The following GABRB2 variants were observed in gnomAD, a reference collection of about 807,000 sequenced individuals.
The protein encoded by GABRB2 is gamma-aminobutyric acid type A receptor subunit beta2.
Under a neutral mutation model 54.7 loss-of-function variants are expected in GABRB2, and 16 were observed. The ratio of observed to expected loss-of-function variants is 0.29; its 90% CI spans 0.20 to 0.44. GABRB2 has a LOEUF of 0.44. GABRB2 is among the 20% of genes least tolerant of loss of function. The pLI is 1.00. For synonymous variants in GABRB2, 244 were observed against 233.8 expected, an observed-to-expected ratio of 1.04 and a Z score of -0.40; for missense variants, 355 against 644.0, an observed-to-expected ratio of 0.55 and a Z score of 4.86.
chr5:161,351,608 A>C (rs1314942268), intron 5 of GABRB2, among the ~76,000 whole-genome samples: 1 of 152,116 alleles, frequency 6.6e-6, no homozygotes, highest in Admixed American at 6.6e-5. Flanking sequence ...AGAAGAAAAC[A>C]AAGCGGGAAA....
At chr5:161,377,148 G>A (rs1755331099) in intron 5 of GABRB2, among the ~76,000 whole-genome samples, 2 of 151,956 alleles carry the variant, frequency 1.3e-5, no homozygotes, top group African/African-American at 4.8e-5. Flanking sequence ...AATAAGTTTT[G>A]GTAAATGATC....
chr5:161,441,331 TC>T (rs1757459888), intron 4 of GABRB2, among the ~76,000 whole-genome samples: 1 of 152,036 alleles, frequency 6.6e-6, no homozygotes, highest in Non-Finnish European at 1.5e-5. Flanking sequence ...GACATACAAA[TC>T]ACAAACAGGA....
chr5:161,338,608 A>T (rs1754064687), intron 5 of GABRB2, among the ~76,000 whole-genome samples: 3 of 152,102 alleles, frequency 2.0e-5, no homozygotes, highest in Admixed American at 6.5e-5. Context: ...GCAACATAGT[A>T]AGACCTTGTC....
chr5:161,508,760 A>G (rs971343371), intron 3 of GABRB2, among the ~76,000 whole-genome samples: 2 of 151,982 alleles, frequency 1.3e-5, no homozygotes, highest in Non-Finnish European at 1.5e-5. Context: ...TTTGCCTGAC[A>G]CCAATTCAAA....
chr5:161,354,773 C>T (rs1754567261), intron 5 of GABRB2, among the ~76,000 whole-genome samples: 2 of 151,988 alleles, frequency 1.3e-5, no homozygotes, highest in Admixed American at 6.6e-5. Context: ...TGTGTTCCTG[C>T]CCACCTCTTT....
At chr5:161,350,306 C>T (rs917628375) in intron 5 of GABRB2, among the ~76,000 whole-genome samples, 1 of 151,888 alleles carries the variant, frequency 6.6e-6, no homozygotes, top group Admixed American at 6.6e-5. Flanking sequence ...AAAGGTGCCA[C>T]CAAAAATTTT....
chr5:161,425,201 G>C (rs1218499456), intron 4 of GABRB2, among the ~76,000 whole-genome samples: 1 of 152,036 alleles, frequency 6.6e-6, no homozygotes, highest in African/African-American at 2.4e-5. Context: ...GAACTTATTT[G>C]ATAAAACAGC....
chr5:161,414,456 T>C (rs868011824), intron 4 of GABRB2, among the ~76,000 whole-genome samples: 2 of 152,184 alleles, frequency 1.3e-5, no homozygotes, highest in South Asian at 2.1e-4. Context: ...CATGTTTATA[T>C]ACATAAAGAC....
intron 5 of GABRB2, among the ~76,000 whole-genome samples, chr5:161,390,807 C>T (rs1755797749): frequency 6.6e-6 from 1 of 152,106 alleles, no homozygotes; most frequent in African/African-American, 2.4e-5. Flanking sequence ...CTAGTCTCAT[C>T]CCACAACGTA....
At position 161,546,626 on chromosome 5, in the gene GABRB2, T is replaced by G; in HGVS notation, c.18A>C (p.Lys6Asn). The G allele has an allele frequency of 6.3e-7, 1 of 1,597,916 alleles. No individual in the cohort carries two copies. Among genetic ancestry groups the G allele is most frequent in the Non-Finnish European group, 8.5e-7 (1 of 1,171,612 alleles). ...AGGACCAAATCCCAAAGTAGCCCCT[T>G]TTCCGCACTCTCCACATCCCTTTAG... MWRVRKRGYFGIWSFP... is the reference protein window; with the variant it reads MWRVRNRGYFGIWSFP... Residue 6 changes from lysine to asparagine, a missense_variant, in exon 1 of 10, where the codon AAA (lysine) becomes AAC (asparagine). Around this residue, in one of 6 missense-constraint regions of GABRB2, gnomAD observed 42 missense variants for 43.0 expected, o/e 0.98. Transcript: ENST00000393959.
chr5:161,366,694 C>G (rs1030577523), intron 5 of GABRB2, among the ~76,000 whole-genome samples: 1 of 152,082 alleles, frequency 6.6e-6, no homozygotes, highest in African/African-American at 2.4e-5. Context: ...GCCTGTAATC[C>G]CAGCACTTTG....
At chr5:161,301,850 C>G (rs1032235799) in intron 9 of GABRB2, among the ~76,000 whole-genome samples, 2 of 152,208 alleles carry the variant, frequency 1.3e-5, no homozygotes, top group African/African-American at 4.8e-5. Flanking sequence ...GCTTCCCAGT[C>G]CAGCTTTAAA....
intron 3 of GABRB2, among the ~76,000 whole-genome samples, chr5:161,476,772 C>A (rs1013677933): frequency 6.6e-6 from 1 of 151,740 alleles, no homozygotes; most frequent in African/African-American, 2.4e-5. Flanking sequence ...TTATTTTATA[C>A]CATATATAAA....
intron 4 of GABRB2, among the ~76,000 whole-genome samples, chr5:161,424,887 A>C (rs1191434608): frequency 4.6e-5 from 7 of 152,154 alleles, no homozygotes; most frequent in Non-Finnish European, 1.0e-4. Context: ...GGAGGAGTTC[A>C]AAATACCAAC....
intron 8 of GABRB2, among the ~76,000 whole-genome samples, chr5:161,327,953 C>T (rs1209459983): frequency 6.6e-6 from 1 of 152,114 alleles, no homozygotes; most frequent in Non-Finnish European, 1.5e-5. Flanking sequence ...GACAGCACCG[C>T]ATAATCAGGA....
At position 161,429,345 on chromosome 5, in the gene GABRB2, C is replaced by CAAAAAAA. The variant is rs770848428; in HGVS notation, c.459-18295_459-18289dup. Among the ~76,000 whole-genome samples the CAAAAAAA allele has an allele frequency of 1.4e-3, 43 of 31,422 alleles. 2 individuals carry two copies. The highest frequency in any genetic ancestry group is 5.0e-3 in the East Asian group (4 of 804). 20.6% of individuals were successfully genotyped at this position (31,422 alleles called of 152,430 possible). ...TGGGCGATAGAGCAAGAATCCGTCT[C>CAAAAAAA]AAAAAAAAAAAAAGAAAAAGAAAAA... On this transcript the variant is annotated intron_variant, in intron 4 of 9. Transcript: ENST00000393959.
At position 161,379,871 on chromosome 5, in the gene GABRB2, G is replaced by A. The variant is rs1755415013; in HGVS notation, c.541+31104C>T. Among the ~76,000 whole-genome samples, 8 of 152,200 alleles carry A rather than the reference G, an allele frequency of 5.3e-5. No individual in the cohort carries two copies. In the South Asian group the frequency reaches 1.7e-3, roughly 32 times the overall value. On this transcript the variant is annotated intron_variant, in intron 5 of 9. Coordinates refer to ENST00000393959, the MANE Select transcript of GABRB2 (RefSeq NM_001371727.1). ...GTGCCACAGTGTGAAAGGGCTGACT[G>A]CACTCTTTCTGGAGAGAAAATGTGG...
intron 5 of GABRB2, among the ~76,000 whole-genome samples, chr5:161,364,667 C>T (rs1267620794): frequency 6.6e-6 from 1 of 152,100 alleles, no homozygotes; most frequent in Non-Finnish European, 1.5e-5. Context: ...TAAAAAATAA[C>T]TTTTGATACT....
At position 161,412,098 on chromosome 5, in the gene GABRB2, T is replaced by C. The variant is rs73800503; in HGVS notation, c.459-1041A>G. 9.9e-3 allele frequency among the ~76,000 whole-genome samples: 1,512 copies of C among 152,250 alleles called. 27 individuals are homozygous for C. Among genetic ancestry groups the C allele is most frequent in the African/African-American group, 0.034 (1,408 of 41,540 alleles). Reference sequence around the variant, plus strand: ...TGGGAACACAGAAGTAAGATATAGCTCCAGCTTGGGAGAAACGATCTATAG... The same window carrying C: ...TGGGAACACAGAAGTAAGATATAGCCCCAGCTTGGGAGAAACGATCTATAG... On this transcript the variant is annotated intron_variant, in intron 4 of 9. Coordinates refer to ENST00000393959, the MANE Select transcript of GABRB2 (RefSeq NM_001371727.1).
Sources: gnomAD v4.1 joint callset for allele counts (sites outside exome capture counted in the v4.1 genomes callset) on GRCh38, gnomAD v4.1.1 for gene constraint, gnomAD v4.1.1 regional missense constraint, MANE v1.5 for transcripts, NCBI Gene and HGNC (gene_info 2026-07-23, HGNC 2026-07-21) for gene names.